Variants in EDC3 observed in about 807,000 individuals in gnomAD.
The protein encoded by EDC3 is enhancer of mRNA-decapping protein 3.
In EDC3, 20 loss-of-function variants were observed where a neutral mutation model predicts 41.8. That is an observed-to-expected ratio of 0.48 (90% CI 0.34 to 0.70). EDC3 has a LOEUF of 0.70. Ranked by LOEUF, EDC3 falls within the 30% of genes least tolerant of loss-of-function variation. The pLI, the probability that EDC3 is intolerant of heterozygous loss-of-function variation, is 0.01. For missense variants in EDC3, 444 were observed against 636.8 expected, an observed-to-expected ratio of 0.70 and a Z score of 3.26; for synonymous variants, 206 against 243.2, an observed-to-expected ratio of 0.85 and a Z score of 1.42.
chr15:74,635,195 C>T (rs1413629659), intron 6 of EDC3: 2 of 697,484 alleles, frequency 2.9e-6, no homozygotes, highest in South Asian at 1.5e-5. Context: ...TGGAATGGAC[C>T]AATGGGTCCC....
At position 74,648,458 on chromosome 15, in the gene EDC3, A is replaced by C. The variant is rs138031775; in HGVS notation, c.820+7275T>G. Among the ~76,000 whole-genome samples, 206 of 152,332 alleles carry C rather than the reference A, an allele frequency of 1.4e-3. 2 individuals are homozygous for C. Among genetic ancestry groups the C allele is most frequent in the African/African-American group, 4.4e-3 (183 of 41,584 alleles). On this transcript the variant is annotated intron_variant, in intron 4 of 6. Coordinates refer to ENST00000315127, the MANE Select transcript of EDC3 (RefSeq NM_025083.5). ...GCTAGATACATCCCCACCAAGGCTC[A>C]AAGACTTAGCCGGCCAGCGTGAGAA...
At chr15:74,687,969 T>C (rs2062957965) in intron 1 of EDC3, among the ~76,000 whole-genome samples, 1 of 152,248 alleles carries the variant, frequency 6.6e-6, no homozygotes, top group South Asian at 2.1e-4. Flanking sequence ...ATTATGGTAG[T>C]AGTAACTGAA....
chr15:74,671,882 G>A lies in EDC3; in HGVS notation c.165-108C>T. On this transcript the variant is annotated intron_variant, in intron 2 of 6. Coordinates refer to ENST00000315127, the MANE Select transcript of EDC3 (RefSeq NM_025083.5). This position sits in a 1 kb window ranked among gnomAD's most constrained non-coding sequence, Gnocchi z 4.6. ...CCTTTGCAGGACTGCATTTTATTGA[G>A]TTATCAGAGGCTAGGAAAGGGGGCT... 1.8e-6 allele frequency: 2 copies of A among 1,104,814 alleles called. No individual in the cohort carries two copies. Among genetic ancestry groups the A allele is most frequent in the East Asian group, 2.4e-5 (1 of 42,022 alleles). The allele number at this position is 1,104,814 out of a possible 1,614,324, so 68.4% of individuals were successfully genotyped here.
rs1418788188 is a variant in EDC3 at position 74,677,405 on chromosome 15, A to G, written c.-18-2263T>C. On this transcript the variant is annotated intron_variant, in intron 1 of 6. Transcript: ENST00000315127. ...GGAGACTGAGTCTCACTCTATCTTT[A>G]TCGCCCAGGCTAGAGTGCAGTGGTA... Among the ~76,000 whole-genome samples, 4 of 88,680 alleles carry G rather than the reference A, an allele frequency of 4.5e-5. No homozygotes were observed. In the East Asian group the frequency reaches 1.3e-3, roughly 28 times the overall value. The allele number at this position is 88,680 out of a possible 152,430, so 58.2% of individuals were successfully genotyped here. A position where few individuals can be genotyped will look rare whatever the true frequency, so the allele number is the denominator to read the frequency against.
intron 1 of EDC3, among the ~76,000 whole-genome samples, chr15:74,681,243 T>A (rs2062867170): frequency 6.6e-6 from 1 of 152,166 alleles, no homozygotes; most frequent in South Asian, 2.1e-4. Flanking sequence ...AACCTCCACC[T>A]CCCGGGTGCA....
At chr15:74,690,265 C>G (rs550321816) in intron 1 of EDC3, among the ~76,000 whole-genome samples, 1 of 152,300 alleles carries the variant, frequency 6.6e-6, no homozygotes, top group African/African-American at 2.4e-5. Context: ...CTATTTTGCT[C>G]AAATGCTGAA....
At position 74,632,912 on chromosome 15, in the gene EDC3, G is replaced by A. The variant is rs767569596; in HGVS notation, c.1227C>T (p.Asn409=). ...AGACGTTCTCAGGGCAATCCAGGCA[G>A]TTGATGACCAGGTCCACAGGGCTAG... is the stretch of plus-strand genomic sequence containing the variant. ...LPTSPVDLVI[N]CLDCPENVFL... The change falls in exon 7 of 7, where the codon AAC becomes AAT. Residue 409 remains asparagine (N), a synonymous_variant. Transcript: ENST00000315127. This position sits in a 1 kb window ranked among gnomAD's most constrained non-coding sequence, Gnocchi z 4.0. 8.1e-6 allele frequency: 13 copies of A among 1,614,112 alleles called. No individual in the cohort carries two copies. Among genetic ancestry groups the A allele is most frequent in the Non-Finnish European group, 1.0e-5 (12 of 1,180,034 alleles).
chr15:74,667,854 C>T (rs959493872), intron 3 of EDC3, among the ~76,000 whole-genome samples: 30 of 152,096 alleles, frequency 2.0e-4, no homozygotes, highest in African/African-American at 6.0e-4. Flanking sequence ...GGAGAGGGGA[C>T]ATAACTTCTC....
Position 74,635,424 on chromosome 15 carries a change from C to T in EDC3, c.1177G>A (p.Val393Met), listed in dbSNP as rs765184494. 6.2e-6 allele frequency: 10 copies of T among 1,614,232 alleles called. No homozygotes were observed. Among genetic ancestry groups the T allele is most frequent in the Non-Finnish European group, 8.5e-6 (10 of 1,180,044 alleles). The change falls in exon 6 of 7, where the codon GTG becomes ATG. Residue 393 changes from valine to methionine, a missense_variant. Val to Met is a conservative substitution (Grantham distance 21). Transcript: ENST00000315127. ...SLFSKTQGQQ[V>M]SSLKDLPTSP... is the part of the protein sequence containing the mutation. ...AAGTGCTCACCTTTGAGGCTAGACA[C>T]TTGTTGGCCTTGGGTCTTGCTGAAG...
chr15:74,661,470 G>T (rs1249528788), intron 3 of EDC3, among the ~76,000 whole-genome samples: 1 of 152,046 alleles, frequency 6.6e-6, no homozygotes, highest in African/African-American at 2.4e-5. Flanking sequence ...AGAACACAGA[G>T]GATAATGTCT....
chr15:74,692,918 G>A (rs2063023985), intron 1 of EDC3: 1 of 152,114 alleles, frequency 6.6e-6, no homozygotes, highest in South Asian at 2.1e-4. Context: ...AGTTTCAGGT[G>A]CCAACTTAAA....
At chr15:74,656,115 T>C in intron 3 of EDC3, 47 bp from the exon 4 acceptor site, 1 of 1,519,024 alleles carries the variant, frequency 6.6e-7, no homozygotes, top group East Asian at 2.3e-5. Flanking sequence ...CAGAAAGCGC[T>C]CAGTGAACGT....
intron 1 of EDC3, among the ~76,000 whole-genome samples, chr15:74,678,497 TC>T (rs2062832171): frequency 6.6e-6 from 1 of 152,246 alleles, no homozygotes; most frequent in Non-Finnish European, 1.5e-5. Context: ...ACTGGCTTTT[TC>T]TTTTTAACTA....
chr15:74,692,342 A>T (rs370296082), intron 1 of EDC3, among the ~76,000 whole-genome samples: 3 of 152,242 alleles, frequency 2.0e-5, no homozygotes, highest in African/African-American at 7.2e-5. Context: ...AAACTAACTC[A>T]ACTAACTATA....
chr15:74,693,039 AT>A (rs2063025914), intron 1 of EDC3: 1 of 152,210 alleles, frequency 6.6e-6, no homozygotes, highest in Non-Finnish European at 1.5e-5. Context: ...AAGGAGAAAA[AT>A]AATCATTCAT....
intron 4 of EDC3, among the ~76,000 whole-genome samples, chr15:74,650,115 T>G (rs940284440): frequency 3.3e-5 from 5 of 152,216 alleles, no homozygotes; most frequent in Non-Finnish European, 7.3e-5. Flanking sequence ...TGACTGGTCC[T>G]GCTCTGGTCT....
chr15:74,670,113 C>T (rs920809747), intron 3 of EDC3, among the ~76,000 whole-genome samples: 1 of 151,220 alleles, frequency 6.6e-6, no homozygotes, highest in African/African-American at 2.4e-5. Flanking sequence ...CTGCCCCAGC[C>T]TCCTGAAGTA....
chr15:74,688,232 C>T (rs1290715812), intron 1 of EDC3, among the ~76,000 whole-genome samples: 1 of 152,176 alleles, frequency 6.6e-6, no homozygotes, highest in African/African-American at 2.4e-5. Flanking sequence ...GGTTCCTAAT[C>T]GGACTAGGGA....
chr15:74,685,751 T>C (rs1243354981), intron 1 of EDC3, among the ~76,000 whole-genome samples: 2 of 152,146 alleles, frequency 1.3e-5, no homozygotes, highest in East Asian at 3.9e-4. Context: ...TGATAGCAGA[T>C]GAATATAAAT....
Sources: gnomAD v4.1 joint callset for allele counts (sites outside exome capture counted in the v4.1 genomes callset) on GRCh38, gnomAD v4.1.1 for gene constraint, Gnocchi (gnomAD v3.1) non-coding constraint, MANE v1.5 for transcripts, NCBI Gene and HGNC (gene_info 2026-07-23, HGNC 2026-07-21) for gene names.